The following MMP16 variants were observed in gnomAD, a reference collection of about 807,000 sequenced individuals.
The protein encoded by MMP16 is matrix metallopeptidase 16, also known as matrix metalloproteinase-16.
In MMP16, 12 loss-of-function variants were observed where a neutral mutation model predicts 67.8. The observed-to-expected ratio is 0.18, with a 90% confidence interval of 0.11 to 0.29. The LOEUF (loss-of-function observed/expected upper bound fraction) is 0.29, where lower values mean the gene tolerates loss of function less well. MMP16 is among the 10% of genes least tolerant of loss of function. The pLI is 1.00. For synonymous variants in MMP16, 249 were observed against 255.9 expected (o/e 0.97, Z 0.26); for missense variants, 475 against 765.7 (o/e 0.62, Z 4.48).
At chr8:88,283,869 A>G (rs1810781446) in intron 1 of MMP16, among the ~76,000 whole-genome samples, 1 of 152,214 alleles carries the variant, frequency 6.6e-6, no homozygotes, top group African/African-American at 2.4e-5. Context: ...TGACTACACA[A>G]CATCATTACC....
intron 1 of MMP16, among the ~76,000 whole-genome samples, chr8:88,267,340 T>C (rs1810491392): frequency 1.3e-5 from 2 of 152,198 alleles, no homozygotes; most frequent in South Asian, 4.1e-4. Context: ...TAAATATAAA[T>C]CTTTTTACTA....
At chr8:88,071,997 T>G (rs971209428) in intron 7 of MMP16, among the ~76,000 whole-genome samples, 1 of 151,972 alleles carries the variant, frequency 6.6e-6, no homozygotes, top group African/African-American at 2.4e-5. Flanking sequence ...TTTATGGGAT[T>G]GATATTCTAG....
Position 88,183,911 on chromosome 8 carries a change from A to AT in MMP16, c.404+2564dup, listed in dbSNP as rs112126900. Among the ~76,000 whole-genome samples the AT allele has an allele frequency of 4.5e-3, 679 of 149,274 alleles. 2 individuals carry two copies. The highest frequency in any genetic ancestry group is 0.014 in the African/African-American group (590 of 40,786). ...TTATTTATTTATTTAGTATTTATTT[A>AT]TTTTTTTTTATTTTAGTATAGACAG... On this transcript the variant is annotated intron_variant, in intron 3 of 9. Coordinates refer to ENST00000286614, the MANE Select transcript of MMP16 (RefSeq NM_005941.5).
intron 2 of MMP16, among the ~76,000 whole-genome samples, chr8:88,193,457 G>A (rs1422727888): frequency 6.6e-6 from 1 of 152,070 alleles, no homozygotes; most frequent in African/African-American, 2.4e-5. Context: ...GGGAGGTGGG[G>A]ATAAAGAGAA....
At chr8:88,110,851 A>AT (rs1219979434) in intron 6 of MMP16, among the ~76,000 whole-genome samples, 1 of 151,732 alleles carries the variant, frequency 6.6e-6, no homozygotes, top group East Asian at 1.9e-4. Context: ...TAATATGATG[A>AT]AAAGTTAAAA....
At chr8:88,255,448 G>A (rs1400307960) in intron 1 of MMP16, among the ~76,000 whole-genome samples, 1 of 152,076 alleles carries the variant, frequency 6.6e-6, no homozygotes, top group Non-Finnish European at 1.5e-5. Context: ...CTTTATAGCA[G>A]TGTAACAGAC....
At chr8:88,267,316 T>C (rs1046928962) in intron 1 of MMP16, among the ~76,000 whole-genome samples, 1 of 152,154 alleles carries the variant, frequency 6.6e-6, no homozygotes, top group African/African-American at 2.4e-5. Flanking sequence ...TCACAGCTAG[T>C]GGTGGTTAAG....
At chr8:88,294,141 G>A (rs1810967206) in intron 1 of MMP16, among the ~76,000 whole-genome samples, 1 of 151,028 alleles carries the variant, frequency 6.6e-6, no homozygotes, top group Admixed American at 6.6e-5. Context: ...AAACATTATA[G>A]TTATATATGT....
chr8:88,059,574 T>G (rs1156649180), intron 7 of MMP16, among the ~76,000 whole-genome samples: 2 of 152,126 alleles, frequency 1.3e-5, no homozygotes. Context: ...TTTTCCATAT[T>G]TAATGGATCA....
intron 4 of MMP16, among the ~76,000 whole-genome samples, chr8:88,127,743 C>A (rs1466536238): frequency 6.6e-6 from 1 of 151,750 alleles, no homozygotes; most frequent in Non-Finnish European, 1.5e-5. Context: ...CTTTTCTCTG[C>A]AAATCTTGCG....
intron 1 of MMP16, among the ~76,000 whole-genome samples, chr8:88,252,029 C>G (rs1205024893): frequency 8.3e-6 from 1 of 120,884 alleles, no homozygotes; most frequent in Non-Finnish European, 1.7e-5. Flanking sequence ...AATAGGAACA[C>G]TTTTACACTG....
chr8:88,157,670 T>A (rs1441875375), intron 4 of MMP16, among the ~76,000 whole-genome samples: 3 of 151,796 alleles, frequency 2.0e-5, no homozygotes, highest in Non-Finnish European at 4.4e-5. Context: ...CTGCTTCATT[T>A]TATTTTATCT....
chr8:88,113,506 C>G (rs1809376171), intron 6 of MMP16, among the ~76,000 whole-genome samples: 1 of 151,682 alleles, frequency 6.6e-6, no homozygotes, highest in African/African-American at 2.4e-5. Flanking sequence ...TTTGAAGAGA[C>G]AGTCAATAAG....
intron 6 of MMP16, among the ~76,000 whole-genome samples, chr8:88,113,657 T>G (rs1490218941): frequency 6.6e-6 from 1 of 151,916 alleles, no homozygotes; most frequent in African/African-American, 2.4e-5. Context: ...AGGAGACCAA[T>G]AAGCAGTCAT....
At chr8:88,154,869 C>CA (rs1315350398) in intron 4 of MMP16, among the ~76,000 whole-genome samples, 2,049 of 89,460 alleles carry the variant, frequency 0.023, 38 homozygotes, top group African/African-American at 0.069. Context: ...AAGTATAATA[C>CA]AAAAAAAAAA....
intron 2 of MMP16, among the ~76,000 whole-genome samples, chr8:88,189,800 A>G (rs751024029): frequency 1.3e-5 from 2 of 152,100 alleles, no homozygotes; most frequent in Non-Finnish European, 2.9e-5. Context: ...ACTCACATAG[A>G]TACAGTTTAC....
intron 4 of MMP16, among the ~76,000 whole-genome samples, chr8:88,166,632 C>G (rs1296094900): frequency 7.3e-6 from 1 of 137,358 alleles, no homozygotes; most frequent in Admixed American, 7.8e-5. Context: ...ATAGTCCCAT[C>G]AGATTGGGAG....
intron 6 of MMP16, among the ~76,000 whole-genome samples, chr8:88,080,254 A>G (rs1188991498): frequency 6.6e-6 from 1 of 152,162 alleles, no homozygotes; most frequent in Non-Finnish European, 1.5e-5. Context: ...TAGGATGAGT[A>G]TATATATCTG....
intron 1 of MMP16, among the ~76,000 whole-genome samples, chr8:88,300,696 T>G (rs1811084075): frequency 6.6e-6 from 1 of 152,230 alleles, no homozygotes; most frequent in Non-Finnish European, 1.5e-5. Context: ...ATTGCTGGTT[T>G]CAGGCATCTA....
Sources: allele counts gnomAD v4.1 joint callset (sites outside exome capture counted in the v4.1 genomes callset), GRCh38; gene constraint gnomAD v4.1.1; transcripts MANE v1.5; gene names NCBI Gene and HGNC (gene_info 2026-07-23, HGNC 2026-07-21).